Variants in INPP5A observed in about 807,000 individuals in gnomAD.
INPP5A encodes the protein 43 kDa inositol polyphosphate 5-phophatase.
In INPP5A, 14 loss-of-function variants were observed where a neutral mutation model predicts 65.2. The observed-to-expected ratio is 0.21, with a 90% CI of 0.14 to 0.34. The LOEUF (loss-of-function observed/expected upper bound fraction) is 0.34. Ranked by LOEUF, INPP5A falls within the 10% of genes least tolerant of loss-of-function variation. INPP5A has a pLI of 1.00. For synonymous variants in INPP5A, 207 were observed against 208.3 expected (o/e 0.99, Z 0.05); for missense variants, 431 against 545.6 (o/e 0.79, Z 2.09).
In INPP5A at chr10:132,705,999, G is replaced by A. The variant is rs1226093048; in HGVS notation, c.475-2314G>A. 1.3e-5 allele frequency among the ~76,000 whole-genome samples: 2 copies of A among 152,208 alleles called. No homozygotes were observed. Among genetic ancestry groups the A allele is most frequent in the Non-Finnish European group, 2.9e-5 (2 of 68,040 alleles). On this transcript the variant is annotated intron_variant, in intron 6 of 15. Transcript: ENST00000368594. This position sits in a 1 kb window ranked among gnomAD's most constrained non-coding sequence, Gnocchi z 4.9. Reference sequence around the variant, plus strand: ...AAATTGCTCAAAGAGATAAGTGAAAGATAGGGTTCATTAAAAATGTTATTC... The same window carrying A: ...AAATTGCTCAAAGAGATAAGTGAAAAATAGGGTTCATTAAAAATGTTATTC...
At chr10:132,571,574 T>C (rs544895272) in intron 1 of INPP5A, among the ~76,000 whole-genome samples, 1 of 152,316 alleles carries the variant, frequency 6.6e-6, no homozygotes, top group Admixed American at 6.5e-5. Context: ...GCAGCTGATA[T>C]TTATGTCCTT....
chr10:132,613,991 C>G (rs959104359), intron 2 of INPP5A, among the ~76,000 whole-genome samples: 2 of 152,176 alleles, frequency 1.3e-5, no homozygotes, highest in African/African-American at 4.8e-5. Context: ...TTTTAGAAAC[C>G]CTTTCTGTAA....
chr10:132,641,449 A>T (rs1264613635), intron 2 of INPP5A, among the ~76,000 whole-genome samples: 1 of 152,220 alleles, frequency 6.6e-6, no homozygotes, highest in Non-Finnish European at 1.5e-5. Flanking sequence ...AGCTATCCGG[A>T]TAGATCTAAC....
At chr10:132,755,928 C>T (rs1010254526) in intron 11 of INPP5A, among the ~76,000 whole-genome samples, 8 of 152,176 alleles carry the variant, frequency 5.3e-5, no homozygotes, top group Admixed American at 2.0e-4. Flanking sequence ...AAACGTTTGG[C>T]ACATGTACCT....
chr10:132,759,321 C>T (rs1205777381), intron 11 of INPP5A, among the ~76,000 whole-genome samples: 2 of 152,188 alleles, frequency 1.3e-5, no homozygotes, highest in Admixed American at 1.3e-4. Flanking sequence ...TCTCCACCCA[C>T]GAGTGTACAG....
intron 1 of INPP5A, among the ~76,000 whole-genome samples, chr10:132,568,298 T>A (rs1258166700): frequency 6.6e-6 from 1 of 152,180 alleles, no homozygotes; most frequent in Non-Finnish European, 1.5e-5. Flanking sequence ...TGTGTTTCTC[T>A]GGAAGCCATT....
At position 132,674,539 on chromosome 10, in the gene INPP5A, C is replaced by T. The variant is rs905039798; in HGVS notation, c.307-15853C>T. On this transcript the variant is annotated intron_variant, in intron 4 of 15. Transcript: ENST00000368594. This position sits in a 1 kb window ranked among gnomAD's most constrained non-coding sequence, Gnocchi z 4.4. ...CATAGGGAACTTCCCATGAGGCCAT[C>T]GGTGCAGGCTGGGGGAGAGAAGGGA... 1.3e-5 allele frequency among the ~76,000 whole-genome samples: 2 copies of T among 152,116 alleles called. No homozygotes were observed. The highest frequency in any genetic ancestry group is 2.4e-5 in the African/African-American group (1 of 41,426).
intron 4 of INPP5A, among the ~76,000 whole-genome samples, chr10:132,665,242 G>A (rs1396332058): frequency 1.3e-5 from 2 of 152,194 alleles, no homozygotes; most frequent in East Asian, 1.9e-4. Context: ...CCCAGACAGC[G>A]CACCCCGCAG....
chr10:132,588,118 A>G (rs1041094733), intron 1 of INPP5A, among the ~76,000 whole-genome samples: 6 of 151,590 alleles, frequency 4.0e-5, no homozygotes, highest in African/African-American at 1.2e-4. Context: ...TCAGTTTGCT[A>G]GCAGACATCT....
rs1277057187 is a variant in INPP5A at position 132,551,752 on chromosome 10, C to T, written c.75+13581C>T. On this transcript the variant is annotated intron_variant, in intron 1 of 15. Coordinates refer to ENST00000368594, the MANE Select transcript of INPP5A (RefSeq NM_005539.5). The surrounding 1 kb of genome is among the most constrained non-coding windows in gnomAD (Gnocchi z 5.3). Reference sequence around the variant, plus strand: ...GGACGTGGGGTGGGAATGGGCCTGACCAGCTAGGGAACAGAGGCAGGACCC... The same window carrying T: ...GGACGTGGGGTGGGAATGGGCCTGATCAGCTAGGGAACAGAGGCAGGACCC... Among the ~76,000 whole-genome samples the T allele has an allele frequency of 1.3e-5, 2 of 152,150 alleles. No homozygotes were observed. The highest frequency in any genetic ancestry group is 2.9e-5 in the Non-Finnish European group (2 of 68,022).
At chr10:132,712,104 G>A (rs1308436703) in intron 8 of INPP5A, among the ~76,000 whole-genome samples, 1 of 152,234 alleles carries the variant, frequency 6.6e-6, no homozygotes, top group Non-Finnish European at 1.5e-5. Context: ...GTCCTGAGGG[G>A]TCCCTAAGGC....
chr10:132,542,307 C>A (rs2070916977), intron 1 of INPP5A, among the ~76,000 whole-genome samples: 1 of 152,234 alleles, frequency 6.6e-6, no homozygotes, highest in Admixed American at 6.5e-5. Flanking sequence ...TCGGCAAGTG[C>A]TCGCTGGCAG....
intron 2 of INPP5A, among the ~76,000 whole-genome samples, chr10:132,608,527 C>T (rs543015802): frequency 3.7e-4 from 57 of 152,322 alleles, no homozygotes; most frequent in African/African-American, 1.3e-3. Flanking sequence ...CTGGTGCCCT[C>T]GCAGGTCTTC....
At chr10:132,558,317 A>G (rs1409425228) in intron 1 of INPP5A, among the ~76,000 whole-genome samples, 1 of 152,126 alleles carries the variant, frequency 6.6e-6, no homozygotes, top group Non-Finnish European at 1.5e-5. Context: ...CCCCCGGCCC[A>G]CGCTCTCCTG....
At chr10:132,581,206 A>G (rs548088865) in intron 1 of INPP5A, among the ~76,000 whole-genome samples, 2 of 152,210 alleles carry the variant, frequency 1.3e-5, no homozygotes, top group African/African-American at 2.4e-5. Context: ...GTTCCTTTTC[A>G]TGGCTGAATA....
chr10:132,563,490 T>C (rs1330656946), intron 1 of INPP5A, among the ~76,000 whole-genome samples: 5 of 152,198 alleles, frequency 3.3e-5, no homozygotes, highest in Non-Finnish European at 1.5e-5. Context: ...GCTTTATGTC[T>C]TATTAGGTGA....
chr10:132,691,829 GTGGT>G (rs1845270194), intron 5 of INPP5A, among the ~76,000 whole-genome samples: 1 of 147,884 alleles, frequency 6.8e-6, no homozygotes, highest in African/African-American at 2.4e-5. Flanking sequence ...CGGGAGACGT[GTGGT>G]CGCGGGAGAC....
chr10:132,640,940 G>A (rs979083015), intron 2 of INPP5A, among the ~76,000 whole-genome samples: 3 of 152,278 alleles, frequency 2.0e-5, no homozygotes, highest in South Asian at 2.1e-4. Context: ...GAGATCCGAC[G>A]TGGGTTCAGT....
chr10:132,744,251 G>A (rs920842874), intron 9 of INPP5A, among the ~76,000 whole-genome samples: 5 of 152,194 alleles, frequency 3.3e-5, no homozygotes, highest in African/African-American at 9.7e-5. Context: ...AGCCCCCCAC[G>A]GATTGACTCA....
Sources: gnomAD v4.1 joint callset for allele counts (sites outside exome capture counted in the v4.1 genomes callset) on GRCh38, gnomAD v4.1.1 for gene constraint, Gnocchi (gnomAD v3.1) non-coding constraint, MANE v1.5 for transcripts, NCBI Gene and HGNC (gene_info 2026-07-23, HGNC 2026-07-21) for gene names.